Variants in PLS3 observed in about 807,000 individuals in gnomAD.
The protein encoded by PLS3 is plastin-3.
Under a neutral mutation model 46.5 loss-of-function variants are expected in PLS3, and 11 were observed. That is an observed-to-expected ratio of 0.24 (90% CI 0.15 to 0.39). The LOEUF is 0.39. PLS3 is among the 10% of genes least tolerant of loss of function. The pLI, the probability that PLS3 is intolerant of heterozygous loss-of-function variation, is 1.00. For missense variants in PLS3, 308 were observed against 461.8 expected, an observed-to-expected ratio of 0.67 and a Z score of 3.05; for synonymous variants, 167 against 162.2, an observed-to-expected ratio of 1.03 and a Z score of -0.22.
intron 1 of PLS3, among the ~76,000 whole-genome samples, chrX:115,607,660 A>G (rs1359463623): frequency 9.1e-6 from 1 of 110,212 alleles, no homozygotes; most frequent in Non-Finnish European, 1.9e-5. Flanking sequence ...CCGCCATCAC[A>G]CTTGGTTACT....
intron 5 of PLS3, 41 bp from the exon 6 acceptor site, chrX:115,633,959 C>T: frequency 1.4e-6 from 1 of 705,033 alleles, no homozygotes. Flanking sequence ...GAAATCAGCT[C>T]TTTTTTTTTA....
intron 1 of PLS3, among the ~76,000 whole-genome samples, chrX:115,580,453 C>G (rs1159267988): frequency 8.9e-6 from 1 of 112,343 alleles, no homozygotes; most frequent in African/African-American, 3.2e-5. Context: ...TTTTTGCACC[C>G]TTGTGAAAAA....
At chrX:115,625,308 TGTGTGTGTGTGCGCGC>T (rs1380057366) in intron 3 of PLS3, among the ~76,000 whole-genome samples, 1 of 110,308 alleles carries the variant, frequency 9.1e-6, no homozygotes, top group African/African-American at 3.3e-5. Context: ...GAGAAATGTC[TGTGTGTGTGTGCGCGC>T]GTGTGTGTGT....
chrX:115,586,763 C>A (rs1387092559), intron 1 of PLS3, among the ~76,000 whole-genome samples: 2 of 111,010 alleles, frequency 1.8e-5, no homozygotes, highest in South Asian at 7.5e-4. Flanking sequence ...TAGACATGAA[C>A]CTGATTCAGC....
At chrX:115,568,663 A>G (rs1428390043) in intron 1 of PLS3, among the ~76,000 whole-genome samples, 1 of 112,333 alleles carries the variant, frequency 8.9e-6, no homozygotes, top group Non-Finnish European at 1.9e-5. Context: ...AGAATGTTTT[A>G]AAGATGAATT....
At chrX:115,615,485 ATC>A (rs2074588292) in intron 2 of PLS3, among the ~76,000 whole-genome samples, 6 of 78,641 alleles carry the variant, frequency 7.6e-5, no homozygotes, top group Admixed American at 4.1e-4. Flanking sequence ...TACACGTGTC[ATC>A]AGAGAGAGAG....
intron 9 of PLS3, among the ~76,000 whole-genome samples, chrX:115,642,487 C>T (rs893547898): frequency 9.0e-6 from 1 of 111,456 alleles, no homozygotes; most frequent in Non-Finnish European, 1.9e-5. Context: ...ACTTCCACAG[C>T]TCAGCACAAC....
At chrX:115,586,173 C>T (rs1236982113) in intron 1 of PLS3, among the ~76,000 whole-genome samples, 2 of 106,021 alleles carry the variant, frequency 1.9e-5, no homozygotes, top group Non-Finnish European at 3.9e-5. Context: ...TTACCGGAGA[C>T]GGGGTTTCTC....
chrX:115,631,216 C>T lies in PLS3; in HGVS notation c.500+1249C>T, dbSNP rs781901715. On this transcript the variant is annotated intron_variant, in intron 5 of 15. Coordinates refer to ENST00000355899, the MANE Select transcript of PLS3 (RefSeq NM_005032.7). ...GACTACAGGCATGCACCACCACACC[C>T]GGCTAAATTTTTTTATTATTATTTC... Among the ~76,000 whole-genome samples the T allele has an allele frequency of 1.1e-4, 12 of 105,331 alleles. No individual in the cohort carries two copies. In the East Asian group the frequency reaches 1.5e-3, roughly 13 times the overall value. The allele number at this position is 105,331 out of a possible 115,157, so 91.5% of individuals were successfully genotyped here.
At chrX:115,587,473 C>G (rs1022200335) in intron 1 of PLS3, among the ~76,000 whole-genome samples, 2 of 112,023 alleles carry the variant, frequency 1.8e-5, no homozygotes, top group African/African-American at 3.2e-5. Context: ...CGGTGGCTCA[C>G]GCCTGTAATC....
At chrX:115,648,364 C>CT (rs1399471735) in intron 15 of PLS3, among the ~76,000 whole-genome samples, 7 of 111,124 alleles carry the variant, frequency 6.3e-5, no homozygotes, top group African/African-American at 2.3e-4. Context: ...CTGTCTCATT[C>CT]TTTTTTTAAA....
intron 1 of PLS3, among the ~76,000 whole-genome samples, chrX:115,595,498 A>C (rs1376422872): frequency 9.1e-6 from 1 of 110,001 alleles, no homozygotes; most frequent in Admixed American, 9.8e-5. Context: ...GGAAGGAGGG[A>C]GGGAGAAGAA....
At chrX:115,590,230 C>T (rs2074335948) in intron 1 of PLS3, among the ~76,000 whole-genome samples, 2 of 111,410 alleles carry the variant, frequency 1.8e-5, no homozygotes, top group Admixed American at 1.9e-4. Context: ...TGGTTTCCGT[C>T]GGCTTTCCTT....
At chrX:115,611,481 A>C (rs2074548180) in intron 2 of PLS3, among the ~76,000 whole-genome samples, 1 of 112,097 alleles carries the variant, frequency 8.9e-6, no homozygotes, top group Non-Finnish European at 1.9e-5. Flanking sequence ...TTTTTTTCAA[A>C]ATGACTCTCA....
At chrX:115,578,674 G>A (rs1270427707) in intron 1 of PLS3, among the ~76,000 whole-genome samples, 9 of 78,019 alleles carry the variant, frequency 1.2e-4, no homozygotes, top group African/African-American at 4.8e-4. Flanking sequence ...GCAGTGAGCC[G>A]AGATCACGCC....
intron 8 of PLS3, 96 bp downstream of exon 8, chrX:115,637,074 C>A: frequency 1.2e-6 from 1 of 865,956 alleles, no homozygotes; most frequent in Non-Finnish European, 1.6e-6. Flanking sequence ...ACTGTATCAC[C>A]AAGCCTTGTT....
intron 3 of PLS3, among the ~76,000 whole-genome samples, chrX:115,625,942 T>C (rs1556638415): frequency 8.9e-6 from 1 of 112,266 alleles, no homozygotes; most frequent in Non-Finnish European, 1.9e-5. Flanking sequence ...AAAAGATGTA[T>C]AGATCAAGAG....
intron 5 of PLS3, 114 bp from the exon 6 acceptor site, chrX:115,633,886 A>G (rs1211451976): frequency 8.0e-6 from 4 of 497,461 alleles, no homozygotes; most frequent in Non-Finnish European, 1.4e-5. Context: ...TTTAGAGTAC[A>G]TGAAAGAGAT....
At chrX:115,575,316 C>T (rs183701074) in intron 1 of PLS3, among the ~76,000 whole-genome samples, 1 of 112,427 alleles carries the variant, frequency 8.9e-6, no homozygotes. Flanking sequence ...CATTAAGTGT[C>T]TATCCATGAG....
Sources: allele counts gnomAD v4.1 joint callset (sites outside exome capture counted in the v4.1 genomes callset), GRCh38; gene constraint gnomAD v4.1.1; transcripts MANE v1.5; gene names NCBI Gene and HGNC (gene_info 2026-07-23, HGNC 2026-07-21).